LCMT1: variants seen among roughly 807,000 people sequenced by gnomAD.
LCMT1 encodes leucine carboxyl methyltransferase 1.
LCMT1 carries 32 observed loss-of-function variants against 47.7 expected under a neutral mutation model. The ratio of observed to expected loss-of-function variants is 0.67; its 90% CI spans 0.51 to 0.90. LCMT1 has a LOEUF of 0.90. Among genes scored for constraint, LCMT1 ranks in the 40% least tolerant of loss-of-function variants. LCMT1 has a pLI of 0.00. For missense variants in LCMT1, 375 were observed against 415.2 expected, an observed-to-expected ratio of 0.90 and a Z score of 0.84; for synonymous variants, 152 against 149.7, an observed-to-expected ratio of 1.02 and a Z score of -0.11.
At chr16:25,130,294 C>G (rs1008188509) in intron 2 of LCMT1, among the ~76,000 whole-genome samples, 11 of 144,644 alleles carry the variant, frequency 7.6e-5, no homozygotes, top group South Asian at 2.2e-4. Context: ...GAGCCGAGAT[C>G]ACGCCACTGC....
intron 8 of LCMT1, among the ~76,000 whole-genome samples, chr16:25,170,283 G>A (rs567261015): frequency 6.7e-4 from 102 of 152,096 alleles, no homozygotes; most frequent in African/African-American, 2.3e-3. Context: ...AACAATTAGA[G>A]TGCTTTAAAA....
chr16:25,177,801 C>T (rs770622403), intron 10 of LCMT1, among the ~76,000 whole-genome samples, 200 bp from the exon 11 acceptor site: 6 of 152,154 alleles, frequency 3.9e-5, no homozygotes, highest in Non-Finnish European at 8.8e-5. Context: ...TTTTCTTAAT[C>T]ATTTTAAAAC....
At chr16:25,128,607 A>C (rs1193628204) in intron 2 of LCMT1, 41 bp downstream of exon 2, 1 of 1,452,328 alleles carries the variant, frequency 6.9e-7, no homozygotes, top group Non-Finnish European at 9.5e-7. Context: ...CTCATCAGCT[A>C]CCTGAGGTTT....
intron 1 of LCMT1, among the ~76,000 whole-genome samples, chr16:25,119,295 G>A (rs139636361): frequency 0.016 from 2,361 of 151,994 alleles, 26 homozygotes; most frequent in Non-Finnish European, 0.026. Flanking sequence ...TCTGTTAAAT[G>A]TTCTCGTAAC....
intron 1 of LCMT1, among the ~76,000 whole-genome samples, chr16:25,113,190 A>G (rs1959683376): frequency 6.6e-6 from 1 of 151,980 alleles, no homozygotes; most frequent in Non-Finnish European, 1.5e-5. Context: ...AAAATAGGAA[A>G]GTTGTAGGAG....
chr16:25,167,322 CTTT>C (rs1399385044), intron 7 of LCMT1, among the ~76,000 whole-genome samples: 1 of 144,520 alleles, frequency 6.9e-6, no homozygotes, highest in Non-Finnish European at 1.5e-5. Flanking sequence ...TTTTTTTGGT[CTTT>C]TTTTTTTTTA....
intron 3 of LCMT1, among the ~76,000 whole-genome samples, chr16:25,137,951 G>GATTCAT (rs1960551798): frequency 6.6e-6 from 1 of 152,040 alleles, no homozygotes; most frequent in African/African-American, 2.4e-5. Context: ...ACCCCCCCGG[G>GATTCAT]ATTCATCTGT....
Position 25,122,454 on chromosome 16 carries a change from G to A in LCMT1, c.114-6021G>A, listed in dbSNP as rs1960021305. 2.6e-5 allele frequency among the ~76,000 whole-genome samples: 4 copies of A among 152,122 alleles called. 1 individual carries two copies. Among genetic ancestry groups the A allele is most frequent in the South Asian group, 4.2e-4 (2 of 4,812 alleles). ...CTCCCGAGTAGCTGGAATCACAGGCGTGCACTACCATGCCCGGCTGTGTTT... is the reference window on the plus strand; with the variant it reads ...CTCCCGAGTAGCTGGAATCACAGGCATGCACTACCATGCCCGGCTGTGTTT... On this transcript the variant is annotated intron_variant, in intron 1 of 10. Transcript: ENST00000399069.
At chr16:25,148,288 C>T (rs1960935099) in intron 4 of LCMT1, 1 of 152,214 alleles carries the variant, frequency 6.6e-6, no homozygotes, top group African/African-American at 2.4e-5. Context: ...TTGAATTAAA[C>T]ATACAAAAAG....
chr16:25,120,318 G>T (rs912005037), intron 1 of LCMT1, among the ~76,000 whole-genome samples: 1 of 151,348 alleles, frequency 6.6e-6, no homozygotes, highest in African/African-American at 2.4e-5. Context: ...CCGCCTCCCG[G>T]GTTCAAGTGA....
chr16:25,164,644 C>T lies in LCMT1; in HGVS notation c.616C>T (p.Pro206Ser). The change falls in exon 7 of 11, where the codon CCA becomes TCA. Residue 206 changes from proline (P) to serine (S), a missense_variant. Pro to Ser is a moderately conservative substitution (Grantham distance 74, BLOSUM62 -1). Transcript: ENST00000399069. ...IAECVLVYMT[P>S]EQSANLLKWA... The stretch of plus-strand genomic sequence containing the variant: ...TGAATGTGTGCTGGTTTACATGACT[C>T]CAGAGCAGTCCGCAAACCTCCTGAA... 6.2e-7 allele frequency: 1 copy of T among 1,613,960 alleles called. No homozygotes were observed. The highest frequency in any genetic ancestry group is 8.5e-7 in the Non-Finnish European group (1 of 1,179,872).
At chr16:25,159,530 T>C (rs780364872) in intron 5 of LCMT1, among the ~76,000 whole-genome samples, 10 of 152,186 alleles carry the variant, frequency 6.6e-5, no homozygotes, top group Non-Finnish European at 1.3e-4. Context: ...CCTCCCAAGT[T>C]GTTGGGATTA....
intron 1 of LCMT1, among the ~76,000 whole-genome samples, chr16:25,123,600 C>CTTTTTTT (rs1173228613): frequency 2.4e-4 from 15 of 63,504 alleles, no homozygotes; most frequent in African/African-American, 2.9e-4. Context: ...AAATTGCTTT[C>CTTTTTTT]TTTTTTTTTT....
At chr16:25,117,612 C>T (rs969631205) in intron 1 of LCMT1, among the ~76,000 whole-genome samples, 42 of 152,192 alleles carry the variant, frequency 2.8e-4, no homozygotes, top group African/African-American at 9.2e-4. Context: ...CCAGCACTTT[C>T]GGAGCCGAGA....
chr16:25,111,817 C>T lies in LCMT1; in HGVS notation c.-67C>T, dbSNP rs1406593466. The T allele has an allele frequency of 9.3e-7, 1 of 1,080,500 alleles. No individual in the cohort carries two copies. Among genetic ancestry groups the T allele is most frequent in the Non-Finnish European group, 1.4e-6 (1 of 719,244 alleles). The allele number at this position is 1,080,500 out of a possible 1,614,324, so 66.9% of individuals were successfully genotyped here. A position where few individuals can be genotyped will look rare whatever the true frequency, so the allele number is the denominator to read the frequency against. ...GCTTTCTCCCTGTGGCTCGCGCCGT[C>T]CCCCGCCGCCCGTCGACCCCGCTTC... On this transcript the variant is annotated 5_prime_UTR_variant, in exon 1 of 11. Transcript: ENST00000399069.
At chr16:25,163,467 CAA>C (rs11318381) in intron 6 of LCMT1, among the ~76,000 whole-genome samples, 141 of 97,482 alleles carry the variant, frequency 1.4e-3, no homozygotes, top group East Asian at 7.0e-3. Context: ...GACTCTGTCT[CAA>C]AAAAAAAAAA....
At chr16:25,135,169 A>G (rs1960466311) in intron 3 of LCMT1, among the ~76,000 whole-genome samples, 1 of 152,160 alleles carries the variant, frequency 6.6e-6, no homozygotes. Flanking sequence ...GCAGTCAGTC[A>G]GTAGTGAGGA....
intron 5 of LCMT1, 78 bp downstream of exon 5, chr16:25,151,693 T>TTTG (rs1961085767): frequency 1.7e-6 from 1 of 572,652 alleles, no homozygotes; most frequent in East Asian, 3.8e-5. Flanking sequence ...GGGGTTTGTG[T>TTTG]TGGGTGTGTG....
At chr16:25,139,975 A>C in intron 3 of LCMT1, 196 bp from the exon 4 acceptor site, 2 of 554,592 alleles carry the variant, frequency 3.6e-6, no homozygotes, top group Non-Finnish European at 6.4e-6. Context: ...TGGCTTCCTG[A>C]CTTTTTACCT....
Sources: allele counts gnomAD v4.1 joint callset (sites outside exome capture counted in the v4.1 genomes callset), GRCh38; gene constraint gnomAD v4.1.1; transcripts MANE v1.5; gene names NCBI Gene and HGNC (gene_info 2026-07-23, HGNC 2026-07-21).